The following SUN1 variants were observed in gnomAD, a reference collection of about 807,000 sequenced individuals.
SUN1 encodes SUN domain-containing protein 1.
SUN1 carries 61 observed loss-of-function variants against 103.2 expected under a neutral mutation model. That is an observed-to-expected ratio of 0.59 (90% CI 0.48 to 0.73). The LOEUF (loss-of-function observed/expected upper bound fraction) is 0.73, where lower values mean the gene tolerates loss of function less well. SUN1 is among the 30% of genes least tolerant of loss of function. The pLI, the probability that SUN1 is intolerant of heterozygous loss-of-function variation, is 0.00. For synonymous variants in SUN1, 490 were observed against 425.7 expected (o/e 1.15, Z -1.86); for missense variants, 1,052 against 1,034.6 (o/e 1.02, Z -0.23).
upstream of SUN1, among the ~76,000 whole-genome samples, chr7:828,104 A>T (rs895703363): frequency 3.3e-5 from 5 of 150,754 alleles, no homozygotes; most frequent in Non-Finnish European, 5.9e-5. Flanking sequence ...TGGTTTCACC[A>T]TGTTGCCCAG....
intron 5 of SUN1, chr7:843,934 A>G: frequency 9.1e-7 from 1 of 1,101,592 alleles, no homozygotes; most frequent in South Asian, 2.8e-5. Flanking sequence ...TGTCGGGAAA[A>G]CATTTCCCGT....
Position 858,067 on chromosome 7 carries a change from T to C in SUN1, c.1524+110T>C, listed in dbSNP as rs1829149882. 12 of 1,304,958 alleles carry C rather than the reference T, an allele frequency of 9.2e-6. No individual in the cohort carries two copies. The South Asian group carries it at 2.0e-4, about 22-fold the overall frequency. The allele number at this position is 1,304,958 out of a possible 1,614,324, so 80.8% of individuals were successfully genotyped here. A position where few individuals can be genotyped will look rare whatever the true frequency, so the allele number is the denominator to read the frequency against. On this transcript the variant is annotated intron_variant, in intron 13 of 18. Transcript: ENST00000401592. ...TAATTTTTTATTTATTTATTTATTT[T>C]TGAAACCGAGTCTTGCTGTGGCACG...
At chr7:868,017 C>G (rs1838406836) in intron 16 of SUN1, among the ~76,000 whole-genome samples, 1 of 152,238 alleles carries the variant, frequency 6.6e-6, no homozygotes, top group Admixed American at 6.5e-5. Context: ...AAAGGGAGAG[C>G]AGTTCAAGGC....
At chr7:871,880 A>T (rs1196419393) in intron 17 of SUN1, among the ~76,000 whole-genome samples, 1 of 152,236 alleles carries the variant, frequency 6.6e-6, no homozygotes, top group Non-Finnish European at 1.5e-5. Context: ...TGTTCTAATA[A>T]GTGCACAGTC....
chr7:828,273 G>GTTTTGT (rs1794619813), upstream of SUN1, among the ~76,000 whole-genome samples: 11 of 148,622 alleles, frequency 7.4e-5, no homozygotes, highest in South Asian at 4.2e-4. Flanking sequence ...TTTTGTTTTT[G>GTTTTGT]TTTTGTTTTG....
At chr7:816,542 C>A, upstream of SUN1, 1 of 370,540 alleles carries the variant, frequency 2.7e-6, no homozygotes, top group Non-Finnish European at 5.2e-6. Context: ...GGGTGGCGCG[C>A]TCGGGACTGG....
intron 1 of SUN1, chr7:817,452 C>T (rs1488723799): frequency 3.3e-6 from 5 of 1,536,148 alleles, no homozygotes; most frequent in South Asian, 2.4e-5. Context: ...GCCACTGTCA[C>T]CGTCATGGGG....
upstream of SUN1, chr7:815,935 C>G (rs760653606): frequency 2.4e-4 from 51 of 208,692 alleles, 1 homozygote; most frequent in South Asian, 2.3e-3. Context: ...CCGAGGTGAG[C>G]CCCGTCGGAA....
intron 15 of SUN1, among the ~76,000 whole-genome samples, chr7:862,126 A>C (rs544456313): frequency 6.6e-6 from 1 of 152,248 alleles, no homozygotes; most frequent in Non-Finnish European, 1.5e-5. Context: ...ACGTCCGCTC[A>C]GGGAAGGTGT....
intron 17 of SUN1, among the ~76,000 whole-genome samples, chr7:870,110 G>A (rs1474518045): frequency 6.6e-6 from 1 of 151,554 alleles, no homozygotes; most frequent in Non-Finnish European, 1.5e-5. Flanking sequence ...GGAGGCTGAG[G>A]CAGAAGAATC....
At chr7:854,714 A>C (rs181440293) in intron 10 of SUN1, among the ~76,000 whole-genome samples, 12 of 152,308 alleles carry the variant, frequency 7.9e-5, no homozygotes, top group Admixed American at 7.2e-4. Flanking sequence ...CCTTAAAATA[A>C]ATATATATAT....
At chr7:843,890 T>G in intron 5 of SUN1, 1 of 1,274,412 alleles carries the variant, frequency 7.8e-7, no homozygotes, top group Non-Finnish European at 9.9e-7. Flanking sequence ...GCTGCTCTGG[T>G]CTGTCCTGTG....
chr7:819,853 C>T (rs1018963484), intron 1 of SUN1, among the ~76,000 whole-genome samples: 1 of 151,924 alleles, frequency 6.6e-6, no homozygotes, highest in Non-Finnish European at 1.5e-5. Context: ...GGATTACAGG[C>T]GCCCGCCACC....
At chr7:872,436 A>C in intron 17 of SUN1, 34 bp from the exon 18 acceptor site, 1 of 1,549,218 alleles carries the variant, frequency 6.5e-7, no homozygotes, top group Non-Finnish European at 8.8e-7. Context: ...TTATTTTTCC[A>C]TTCGTTCATA....
chr7:835,961 A>C (rs1409879235), intron 1 of SUN1, among the ~76,000 whole-genome samples: 1 of 152,240 alleles, frequency 6.6e-6, no homozygotes, highest in Non-Finnish European at 1.5e-5. Flanking sequence ...ACTTGTCAGC[A>C]GGGGCAGATG....
Position 869,358 on chromosome 7 carries a change from T to A in SUN1, c.1990T>A (p.Tyr664Asn). The A allele has an allele frequency of 6.2e-7, 1 of 1,613,612 alleles. No homozygotes were observed. The highest frequency in any genetic ancestry group is 8.5e-7 in the Non-Finnish European group (1 of 1,179,690). Residue 664 changes from tyrosine to asparagine, a missense_variant, in exon 17 of 19, where the codon TAC becomes AAC. This residue lies in a region of SUN1 where 206 missense variants were observed against 260.1 expected (regional missense o/e 0.79). Coordinates refer to ENST00000401592, the MANE Select transcript of SUN1 (RefSeq NM_001130965.3). ...SPRVVIQPDI[Y>N]PGNCWAFKGS... ...TTTTTCCTTTCCCCAGCCTGACATT[T>A]ACCCCGGTAACTGCTGGGCATTTAA...
Position 865,990 on chromosome 7 carries a change from G to A in SUN1, c.1903G>A (p.Glu635Lys), listed in dbSNP as rs376317036. The change falls in exon 16 of 19, where the codon GAA becomes AAA. Residue 635 changes from glutamate to lysine, a missense_variant. Coordinates refer to ENST00000401592, the MANE Select transcript of SUN1 (RefSeq NM_001130965.3). ...ILSTRCSETY[E>K]TKTALMSLFG... ...GAGTACTCGCTGTTCTGAAACTTAC[G>A]AAACCAAAACGGCGCTGATGAGTCT... The A allele has an allele frequency of 1.7e-5, 27 of 1,613,890 alleles. No homozygotes were observed. The highest frequency in any genetic ancestry group is 8.0e-5 in the African/African-American group (6 of 74,902).
At chr7:864,044 C>G (rs1454486683) in intron 15 of SUN1, among the ~76,000 whole-genome samples, 1 of 152,010 alleles carries the variant, frequency 6.6e-6, no homozygotes, top group Non-Finnish European at 1.5e-5. Flanking sequence ...TAGATAATAT[C>G]CTTCATCATT....
chr7:826,362 G>A (rs1791948045), intron 1 of SUN1, among the ~76,000 whole-genome samples: 1 of 152,188 alleles, frequency 6.6e-6, no homozygotes, highest in South Asian at 2.1e-4. Flanking sequence ...GTGTGTCTGT[G>A]TGTGTGCGCC....
Sources: allele counts gnomAD v4.1 joint callset (sites outside exome capture counted in the v4.1 genomes callset), GRCh38; gene constraint gnomAD v4.1.1; regional missense constraint gnomAD v4.1.1; transcripts MANE v1.5; gene names NCBI Gene and HGNC (gene_info 2026-07-23, HGNC 2026-07-21).